The following DENND4A variants were observed in gnomAD, a reference collection of about 807,000 sequenced individuals.
DENND4A encodes C-myc promoter-binding protein.
A neutral mutation model predicts 199.3 loss-of-function variants in DENND4A; 70 were observed. The observed-to-expected ratio is 0.35, with a 90% CI of 0.29 to 0.43. The LOEUF (loss-of-function observed/expected upper bound fraction) is 0.43, where lower values mean the gene tolerates loss of function less well. Among genes scored for constraint, DENND4A ranks in the 20% least tolerant of loss-of-function variants. DENND4A has a pLI of 1.00. For missense variants in DENND4A, 1,723 were observed against 2,255.8 expected (o/e 0.76, Z 4.78); for synonymous variants, 686 against 766.9 (o/e 0.89, Z 1.74).
chr15:65,716,432 TC>T (rs1020462973), intron 13 of DENND4A, among the ~76,000 whole-genome samples: 1 of 132,898 alleles, frequency 7.5e-6, no homozygotes, highest in Non-Finnish European at 1.6e-5. Flanking sequence ...AGTGTGATGT[TC>T]CCCTTCCTGT....
At chr15:65,730,663 G>C (rs1183838630) in intron 9 of DENND4A, among the ~76,000 whole-genome samples, 3 of 152,046 alleles carry the variant, frequency 2.0e-5, no homozygotes, top group Admixed American at 2.0e-4. Flanking sequence ...AGTATAGACA[G>C]ATCTATAGAG....
Position 65,752,615 on chromosome 15 carries a change from A to G in DENND4A, c.325T>C (p.Trp109Arg). ...CAACCCTGTTTCAATCTTTCTTTCC[A>G]GTCATATAAAACCCTAAAAATAAAT... is the stretch of plus-strand genomic sequence containing the variant. ...PLTDLGVLYD[W>R]KERLKQGCEI... Residue 109 changes from tryptophan (W) to arginine (R), a missense_variant, in exon 4 of 33, where the codon TGG (tryptophan) becomes CGG (arginine). This residue lies in a region of DENND4A where 725 missense variants were observed against 952.9 expected (regional missense o/e 0.76). Coordinates refer to ENST00000443035, the MANE Select transcript of DENND4A (RefSeq NM_001320835.1). 6.5e-7 allele frequency: 1 copy of G among 1,533,262 alleles called. No homozygotes were observed. The highest frequency in any genetic ancestry group is 8.8e-7 in the Non-Finnish European group (1 of 1,132,644). The allele number at this position is 1,533,262 out of a possible 1,614,324, so 95.0% of individuals were successfully genotyped here.
chr15:65,732,757 C>T lies in DENND4A; in HGVS notation c.1102G>A (p.Val368Ile), dbSNP rs766335945. 1.3e-6 allele frequency: 2 copies of T among 1,596,988 alleles called. No individual in the cohort carries two copies. The highest frequency in any genetic ancestry group is 3.4e-5 in the Admixed American group (2 of 59,374). Residue 368 changes from valine to isoleucine, a missense_variant, in exon 8 of 33, where the codon GTT (valine) becomes ATT (isoleucine). Transcript: ENST00000443035. The stretch of plus-strand genomic sequence containing the variant: ...CAAAAACAAAAAAACCTTACCTGAA[C>T]TAAAATCCGTGGTCTCTGAGGAGAT... ...FPSPQRPRIL[V>I]QLSPHDNLIL...
intron 24 of DENND4A, among the ~76,000 whole-genome samples, chr15:65,675,651 A>G (rs2076350703): frequency 6.6e-6 from 1 of 152,122 alleles, no homozygotes; most frequent in Non-Finnish European, 1.5e-5. Context: ...CAGATTCTCA[A>G]CTTCATTTAT....
chr15:65,722,624 C>G (rs1285670424), intron 12 of DENND4A, among the ~76,000 whole-genome samples: 1 of 151,594 alleles, frequency 6.6e-6, no homozygotes, highest in East Asian at 1.9e-4. Context: ...ATTTTGCATT[C>G]CAGCCTGGCA....
intron 1 of DENND4A, among the ~76,000 whole-genome samples, chr15:65,778,023 A>G (rs1362483900): frequency 6.6e-6 from 1 of 151,608 alleles, no homozygotes; most frequent in Non-Finnish European, 1.5e-5. Context: ...ACAGAGGGAG[A>G]CTCCGTATCA....
intron 12 of DENND4A, among the ~76,000 whole-genome samples, chr15:65,718,873 G>T: frequency 7.1e-6 from 1 of 140,024 alleles, no homozygotes; most frequent in African/African-American, 2.6e-5. Context: ...CCTACCTCCC[G>T]GGCTCCAGAG....
Position 65,676,604 on chromosome 15 carries a change from A to C in DENND4A, c.4210T>G (p.Ser1404Ala). 1 of 1,613,208 alleles carries C rather than the reference A, an allele frequency of 6.2e-7. No homozygotes were observed. The highest frequency in any genetic ancestry group is 8.5e-7 in the Non-Finnish European group (1 of 1,179,532). The change falls in exon 24 of 33, where the codon TCA becomes GCA. Residue 1404 changes from serine to alanine, a missense_variant. Physicochemically the swap from Ser to Ala is moderately conservative, Grantham distance 99 (BLOSUM62 1). Coordinates refer to ENST00000443035, the MANE Select transcript of DENND4A (RefSeq NM_001320835.1). Reference sequence around the variant, plus strand: ...GATTCAGAATCCTGGGCTCCCACTGAAGAAAGACTGGTACGATCAGAACTT... The same window carrying C: ...GATTCAGAATCCTGGGCTCCCACTGCAGAAAGACTGGTACGATCAGAACTT... ...DQSSDRTSLSSVGAQDSESTS... is the reference protein window; with the variant it reads ...DQSSDRTSLSAVGAQDSESTS...
chr15:65,787,467 T>C (rs2077594127), intron 1 of DENND4A, among the ~76,000 whole-genome samples: 1 of 152,218 alleles, frequency 6.6e-6, no homozygotes, highest in South Asian at 2.1e-4. Context: ...CTTCTCTCTC[T>C]TGCTTTCTAC....
rs1161958682 is a variant in DENND4A at position 65,696,647 on chromosome 15, A to G, written c.2951-150T>C. The G allele has an allele frequency of 1.7e-5, 9 of 536,940 alleles. No individual in the cohort carries two copies. The East Asian group carries it at 2.7e-4, about 16-fold the overall frequency. The allele number at this position is 536,940 out of a possible 1,614,324, so 33.3% of individuals were successfully genotyped here. A position where few individuals can be genotyped will look rare whatever the true frequency, so the allele number is the denominator to read the frequency against. Reference sequence around the variant, plus strand: ...CTCTATATCTGTTTGTCAACCACAAATAAGTGATTTCACTTATTTGAGGCC... The same window carrying G: ...CTCTATATCTGTTTGTCAACCACAAGTAAGTGATTTCACTTATTTGAGGCC... On this transcript the variant is annotated intron_variant, in intron 21 of 32. Coordinates refer to ENST00000443035, the MANE Select transcript of DENND4A (RefSeq NM_001320835.1).
chr15:65,751,080 AATTT>A (rs1233862826), intron 4 of DENND4A, among the ~76,000 whole-genome samples: 2 of 152,308 alleles, frequency 1.3e-5, no homozygotes, highest in East Asian at 3.9e-4. Flanking sequence ...TGTAAAACTT[AATTT>A]ATCACCTAGC....
rs1336396815 is a variant in DENND4A at position 65,690,785 on chromosome 15, A to G, written c.3809T>C (p.Ile1270Thr). ...SSPLTSRTPSIDLQRACDDKL... is the reference protein window; with the variant it reads ...SSPLTSRTPSTDLQRACDDKL... Reference sequence around the variant, plus strand: ...ATCATCACATGCCCGTTGTAAATCAATGCTTGGTGTACGACTTGTCAAAGG... The same window carrying G: ...ATCATCACATGCCCGTTGTAAATCAGTGCTTGGTGTACGACTTGTCAAAGG... The change falls in exon 23 of 33, where the codon ATT (isoleucine) becomes ACT (threonine). Residue 1270 changes from isoleucine (I) to threonine (T), a missense_variant. Around this residue, in one of 6 missense-constraint regions of DENND4A, gnomAD observed 650 missense variants for 738.1 expected, o/e 0.88. Transcript: ENST00000443035. 4.3e-6 allele frequency: 7 copies of G among 1,613,434 alleles called. No homozygotes were observed. Among genetic ancestry groups the G allele is most frequent in the Non-Finnish European group, 4.2e-6 (5 of 1,179,766 alleles).
chr15:65,670,868 A>C (rs775683664), intron 25 of DENND4A, among the ~76,000 whole-genome samples: 2 of 152,218 alleles, frequency 1.3e-5, no homozygotes, highest in Non-Finnish European at 2.9e-5. Context: ...GCTGTATGCA[A>C]ATTTATTTTC....
At chr15:65,785,533 A>G (rs2077544885) in intron 1 of DENND4A, among the ~76,000 whole-genome samples, 1 of 142,280 alleles carries the variant, frequency 7.0e-6, no homozygotes, top group Non-Finnish European at 1.5e-5. Context: ...TTTTGTTGTT[A>G]TATTGTTTTG....
At chr15:65,688,754 A>T (rs1234008738) in intron 23 of DENND4A, among the ~76,000 whole-genome samples, 1 of 152,220 alleles carries the variant, frequency 6.6e-6, no homozygotes, top group East Asian at 1.9e-4. Flanking sequence ...CCATGCCATG[A>T]TGTGACTGCC....
rs762191275 is a variant in DENND4A, at chr15:65,697,272, C to T, written c.2945G>A (p.Ser982Asn). 1.3e-6 allele frequency: 2 copies of T among 1,561,138 alleles called. No homozygotes were observed. Among genetic ancestry groups the T allele is most frequent in the East Asian group, 4.5e-5 (2 of 44,002 alleles). The change falls in exon 21 of 33, where the codon AGT becomes AAT. Residue 982 changes from serine to asparagine, a missense_variant. Coordinates refer to ENST00000443035, the MANE Select transcript of DENND4A (RefSeq NM_001320835.1). ...TCAACTTAAACAATACCTACAGGAA[C>T]TACAATCACTCCCTTTTTTATCTTT... ...EEKDKKGSDC[S>N]SLSESESTKG...
chr15:65,777,042 C>T (rs575822545), intron 1 of DENND4A, among the ~76,000 whole-genome samples: 9 of 152,230 alleles, frequency 5.9e-5, no homozygotes, highest in African/African-American at 2.2e-4. Context: ...GTGGCATGTG[C>T]CTGTAATCCC....
rs143208110 is a variant in DENND4A at position 65,685,164 on chromosome 15, T to C, written c.4179+5251A>G. On this transcript the variant is annotated intron_variant, in intron 23 of 32. Transcript: ENST00000443035. ...TTTTTTGAGACCGTGTCTCACTCTG[T>C]CGCCTAGGCCAGAGTGCAGTGGCGC... 4.3e-3 allele frequency among the ~76,000 whole-genome samples: 649 copies of C among 151,104 alleles called. 9 individuals are homozygous for C. The highest frequency in any genetic ancestry group is 0.023 in the Admixed American group (344 of 15,208).
chr15:65,684,109 T>C (rs1453875489), intron 23 of DENND4A, among the ~76,000 whole-genome samples: 1 of 152,274 alleles, frequency 6.6e-6, no homozygotes, highest in African/African-American at 2.4e-5. Context: ...TAACACATTT[T>C]ACCTATTTTC....
Sources: allele counts gnomAD v4.1 joint callset (sites outside exome capture counted in the v4.1 genomes callset), GRCh38; gene constraint gnomAD v4.1.1; regional missense constraint gnomAD v4.1.1; transcripts MANE v1.5; gene names NCBI Gene and HGNC (gene_info 2026-07-23, HGNC 2026-07-21).